EXT1: variants seen among roughly 807,000 people sequenced by gnomAD.
The protein encoded by EXT1 is exostosin-1.
A neutral mutation model predicts 82.5 loss-of-function variants in EXT1; 20 were observed. That is an observed-to-expected ratio of 0.24 (90% CI 0.17 to 0.35). The LOEUF (loss-of-function observed/expected upper bound fraction) is 0.35. Among genes scored for constraint, EXT1 ranks in the 10% least tolerant of loss-of-function variants. The probability of loss-of-function intolerance (pLI) is 1.00; values close to 1 mark genes in which losing one functional copy is unlikely to be tolerated. For synonymous variants in EXT1, 348 were observed against 350.8 expected (o/e 0.99, Z 0.09); for missense variants, 757 against 936.5 (o/e 0.81, Z 2.50).
intron 1 of EXT1, among the ~76,000 whole-genome samples, chr8:117,855,773 A>G (rs1812536301): frequency 6.6e-6 from 1 of 152,112 alleles, no homozygotes; most frequent in Middle Eastern, 3.2e-3. Flanking sequence ...GGTTCAAGCG[A>G]TTCTCCTGCC....
intron 1 of EXT1, among the ~76,000 whole-genome samples, chr8:118,066,306 TC>T (rs1295026096): frequency 6.6e-6 from 1 of 151,936 alleles, no homozygotes; most frequent in Non-Finnish European, 1.5e-5. Context: ...CTTATTATTT[TC>T]TTAATAACAT....
intron 5 of EXT1, among the ~76,000 whole-genome samples, chr8:117,820,496 C>T (rs915088265): frequency 9.2e-5 from 14 of 152,146 alleles, no homozygotes; most frequent in Non-Finnish European, 1.5e-4. Flanking sequence ...CAAGACCGGC[C>T]TGGCCAACAT....
At chr8:117,870,887 C>T (rs941519179) in intron 1 of EXT1, among the ~76,000 whole-genome samples, 2 of 150,168 alleles carry the variant, frequency 1.3e-5, no homozygotes, top group Admixed American at 1.3e-4. Flanking sequence ...TTTTAATGAT[C>T]CAATTTAAAA....
At chr8:118,020,080 G>A (rs879748359) in intron 1 of EXT1, among the ~76,000 whole-genome samples, 10 of 152,132 alleles carry the variant, frequency 6.6e-5, no homozygotes, top group African/African-American at 9.7e-5. Flanking sequence ...AACTTCAGAA[G>A]CAACTTGCAT....
At chr8:118,074,175 TG>T (rs1817160825) in intron 1 of EXT1, among the ~76,000 whole-genome samples, 1 of 151,890 alleles carries the variant, frequency 6.6e-6, no homozygotes, top group Non-Finnish European at 1.5e-5. Context: ...GGAAGAAGGA[TG>T]GGAGATGATC....
chr8:117,820,691 C>T (rs866893781), intron 5 of EXT1, among the ~76,000 whole-genome samples: 3 of 150,006 alleles, frequency 2.0e-5, no homozygotes, highest in African/African-American at 4.9e-5. Flanking sequence ...AGCAAGACTC[C>T]GTCTTAGAAA....
chr8:117,982,434 G>A (rs561836770), intron 1 of EXT1, among the ~76,000 whole-genome samples: 8 of 152,256 alleles, frequency 5.3e-5, no homozygotes, highest in African/African-American at 1.9e-4. Flanking sequence ...CCAGATTATG[G>A]TAGTTCCACC....
chr8:117,914,652 T>C (rs1813712794), intron 1 of EXT1, among the ~76,000 whole-genome samples: 1 of 152,130 alleles, frequency 6.6e-6, no homozygotes, highest in African/African-American at 2.4e-5. Flanking sequence ...GTCTATCTTA[T>C]GCGGTTGAGA....
chr8:117,809,837 A>T (rs1263307185), intron 8 of EXT1, among the ~76,000 whole-genome samples: 1 of 152,122 alleles, frequency 6.6e-6, no homozygotes, highest in Non-Finnish European at 1.5e-5. Flanking sequence ...ATGGGACAGT[A>T]TATTATGCAG....
intron 1 of EXT1, among the ~76,000 whole-genome samples, chr8:118,104,931 C>T (rs1034538026): frequency 1.3e-5 from 2 of 152,156 alleles, no homozygotes; most frequent in South Asian, 2.1e-4. Flanking sequence ...TGCTGCAAAG[C>T]GAATGCAGTG....
intron 1 of EXT1, among the ~76,000 whole-genome samples, chr8:117,931,250 A>G (rs1286264023): frequency 6.6e-6 from 1 of 152,164 alleles, no homozygotes; most frequent in Non-Finnish European, 1.5e-5. Context: ...TTTCTCTCAC[A>G]AGATCCAAGA....
At chr8:118,069,612 C>A (rs1172287269) in intron 1 of EXT1, among the ~76,000 whole-genome samples, 1 of 152,172 alleles carries the variant, frequency 6.6e-6, no homozygotes, top group Non-Finnish European at 1.5e-5. Flanking sequence ...TTACAGAAAT[C>A]AAATGAACAC....
chr8:117,906,979 G>C (rs1240435208), intron 1 of EXT1, among the ~76,000 whole-genome samples: 1 of 152,166 alleles, frequency 6.6e-6, no homozygotes, highest in Non-Finnish European at 1.5e-5. Flanking sequence ...AAAAGGAACA[G>C]TTTGCTGTAG....
chr8:117,832,252 C>T (rs912650184), intron 3 of EXT1, among the ~76,000 whole-genome samples: 2 of 152,224 alleles, frequency 1.3e-5, no homozygotes, highest in African/African-American at 4.8e-5. Flanking sequence ...TAAGGCCGGG[C>T]GCGGTGGCTC....
Position 118,059,732 on chromosome 8 carries a change from C to T in EXT1, c.962+50353G>A, listed in dbSNP as rs564738430. On this transcript the variant is annotated intron_variant, in intron 1 of 10. Coordinates refer to ENST00000378204, the MANE Select transcript of EXT1 (RefSeq NM_000127.3). ...CACTTTCCTTCAAGACCTTTACTTC[C>T]GCCAGCTCCTCTACTATTTGAGGAA... Among the ~76,000 whole-genome samples the T allele has an allele frequency of 3.3e-5, 5 of 152,310 alleles. No individual in the cohort carries two copies. The South Asian group carries it at 8.3e-4, about 25-fold the overall frequency.
chr8:118,000,175 A>G (rs1815632198), intron 1 of EXT1, among the ~76,000 whole-genome samples: 1 of 152,222 alleles, frequency 6.6e-6, no homozygotes, highest in East Asian at 1.9e-4. Flanking sequence ...TTTCAAAGAA[A>G]AGAAAGTAAT....
At chr8:117,842,498 T>C (rs575806942) in intron 1 of EXT1, among the ~76,000 whole-genome samples, 68 of 152,334 alleles carry the variant, frequency 4.5e-4, no homozygotes, top group Non-Finnish European at 7.8e-4. Flanking sequence ...ATTCAACTTC[T>C]CCAAACCTCA....
intron 1 of EXT1, among the ~76,000 whole-genome samples, chr8:117,966,229 C>A (rs1344433010): frequency 6.6e-6 from 1 of 152,186 alleles, no homozygotes. Context: ...GCATCCCATT[C>A]CAAAACGAGG....
chr8:117,895,448 A>C (rs1323512232), intron 1 of EXT1, among the ~76,000 whole-genome samples: 62 of 152,208 alleles, frequency 4.1e-4, no homozygotes, highest in Admixed American at 4.1e-3. Flanking sequence ...TATAAAACAT[A>C]GCAGGGCCAG....
Sources: allele counts gnomAD v4.1 joint callset (sites outside exome capture counted in the v4.1 genomes callset), GRCh38; gene constraint gnomAD v4.1.1; transcripts MANE v1.5; gene names NCBI Gene and HGNC (gene_info 2026-07-23, HGNC 2026-07-21).